Variants in JPH2 observed in about 807,000 individuals in gnomAD.
JPH2 encodes the protein junctophilin-2.
In JPH2, 38 loss-of-function variants were observed where a neutral mutation model predicts 55.9. That is an observed-to-expected ratio of 0.68 (90% confidence interval 0.52 to 0.89). JPH2 has a LOEUF of 0.89. Ranked by LOEUF, JPH2 falls within the 40% of genes least tolerant of loss-of-function variation. JPH2 has a pLI of 0.00. For synonymous variants in JPH2, 480 were observed against 472.4 expected (o/e 1.02, Z -0.21); for missense variants, 964 against 1,037.6 (o/e 0.93, Z 0.97).
Position 44,186,891 on chromosome 20 carries a change from G to T in JPH2, c.-186C>A. On this transcript the variant is annotated 5_prime_UTR_variant, in exon 1 of 6. Transcript: ENST00000372980. ...CCCGGCGCCAAGTCAGCACCGGGTC[G>T]GCTAGTCAGTGCCATGCCCGGGAGC... The T allele has an allele frequency of 1.6e-6, 1 of 632,870 alleles. No individual in the cohort carries two copies. Among genetic ancestry groups the T allele is most frequent in the Non-Finnish European group, 2.7e-6 (1 of 365,014 alleles). The allele number at this position is 632,870 out of a possible 1,614,324, so 39.2% of individuals were successfully genotyped here. A position where few individuals can be genotyped will look rare whatever the true frequency, so the allele number is the denominator to read the frequency against.
chr20:44,134,853 AATATATATATAAATATATATATTT>A (rs1569195635), intron 2 of JPH2, among the ~76,000 whole-genome samples: 5 of 83,846 alleles, frequency 6.0e-5, no homozygotes, highest in Middle Eastern at 5.9e-3. Flanking sequence ...GTTTATTATA[AATATATATATAAATATATATATTT>A]ATATATATAT....
rs916429871 is a variant in JPH2, at chr20:44,108,734, C to T, written c.*4784G>A. On this transcript the variant is annotated 3_prime_UTR_variant, in exon 6 of 6. Coordinates refer to ENST00000372980, the MANE Select transcript of JPH2 (RefSeq NM_020433.5). ...GGTGAATGTTCTGACACATGAGGTGCCCTGGCATCTGTTGCCGTACATGAG... is the reference window on the plus strand; with the variant it reads ...GGTGAATGTTCTGACACATGAGGTGTCCTGGCATCTGTTGCCGTACATGAG... 6.6e-6 allele frequency among the ~76,000 whole-genome samples: 1 copy of T among 152,042 alleles called. No individual in the cohort carries two copies. Among genetic ancestry groups the T allele is most frequent in the South Asian group, 2.1e-4 (1 of 4,820 alleles).
At chr20:44,144,410 A>G (rs1046827103) in intron 2 of JPH2, among the ~76,000 whole-genome samples, 2 of 152,096 alleles carry the variant, frequency 1.3e-5, no homozygotes, top group Non-Finnish European at 2.9e-5. Context: ...ATCGCCTCGT[A>G]TTGTCCTCAC....
chr20:44,109,393 T>C lies in JPH2; in HGVS notation c.*4125A>G, dbSNP rs531936813. Among the ~76,000 whole-genome samples, 4 of 152,346 alleles carry C rather than the reference T, an allele frequency of 2.6e-5. No homozygotes were observed. Among genetic ancestry groups the C allele is most frequent in the Admixed American group, 6.5e-5 (1 of 15,298 alleles). The stretch of plus-strand genomic sequence containing the variant: ...ATCTGAAGAGGCAGGTAACATGGTA[T>C]TCATCACCCCCAGAAAAGTAAGAAA... On this transcript the variant is annotated 3_prime_UTR_variant, in exon 6 of 6. Transcript: ENST00000372980.
chr20:44,140,006 G>C (rs1252243806), intron 2 of JPH2, among the ~76,000 whole-genome samples: 1 of 152,064 alleles, frequency 6.6e-6, no homozygotes, highest in Non-Finnish European at 1.5e-5. Context: ...CGAGTAGCTG[G>C]GACTACAGGC....
Position 44,186,881 on chromosome 20 carries a change from GCAC to G in JPH2, c.-179_-177del. 3.1e-6 allele frequency: 2 copies of G among 653,364 alleles called. No individual in the cohort carries two copies. Among genetic ancestry groups the G allele is most frequent in the South Asian group, 3.8e-5 (2 of 52,144 alleles). 40.5% of individuals were successfully genotyped at this position (653,364 alleles called of 1,614,324 possible). The stretch of plus-strand genomic sequence containing the variant: ...CTGAAAGAGCCCCGGCGCCAAGTCA[GCAC>G]CGGGTCGGCTAGTCAGTGCCATGCC... On this transcript the variant is annotated 5_prime_UTR_variant, in exon 1 of 6. Transcript: ENST00000372980.
At chr20:44,129,915 G>C (rs1384371482) in intron 2 of JPH2, among the ~76,000 whole-genome samples, 1 of 152,122 alleles carries the variant, frequency 6.6e-6, no homozygotes, top group Non-Finnish European at 1.5e-5. Context: ...AATGCAGAGG[G>C]CCAGCAGGGG....
chr20:44,136,449 T>TCATCAA (rs1318242579), intron 2 of JPH2, among the ~76,000 whole-genome samples: 1 of 151,738 alleles, frequency 6.6e-6, no homozygotes, highest in Non-Finnish European at 1.5e-5. Flanking sequence ...GCCATCATCA[T>TCATCAA]CATCAACATC....
chr20:44,167,588 G>A (rs1331334828), intron 1 of JPH2, among the ~76,000 whole-genome samples: 4 of 152,034 alleles, frequency 2.6e-5, no homozygotes, highest in Non-Finnish European at 4.4e-5. Context: ...GCAAAAATAC[G>A]GTCCTGTCCC....
intron 1 of JPH2, among the ~76,000 whole-genome samples, chr20:44,161,107 G>A (rs1189210727): frequency 6.6e-6 from 1 of 152,158 alleles, no homozygotes; most frequent in Non-Finnish European, 1.5e-5. Flanking sequence ...TCATGAGTGT[G>A]CAGGGTAGTG....
intron 2 of JPH2, among the ~76,000 whole-genome samples, chr20:44,136,002 T>A (rs1159124882): frequency 6.6e-6 from 1 of 152,304 alleles, no homozygotes; most frequent in East Asian, 1.9e-4. Context: ...ACTATCATTA[T>A]CACCCTCAGT....
intron 2 of JPH2, among the ~76,000 whole-genome samples, chr20:44,153,616 C>G (rs1247831538): frequency 6.6e-6 from 1 of 152,214 alleles, no homozygotes; most frequent in Non-Finnish European, 1.5e-5. Context: ...CCAAACCTCA[C>G]ACCCTAGGAC....
At chr20:44,129,552 C>G (rs1223342729) in intron 2 of JPH2, among the ~76,000 whole-genome samples, 1 of 45,246 alleles carries the variant, frequency 2.2e-5, no homozygotes, top group Non-Finnish European at 4.6e-5. Context: ...CAGGCTGTCT[C>G]AAAAAAAAAA....
rs183819643 is a variant in JPH2, at chr20:44,177,561, C to T, written c.379+8766G>A. On this transcript the variant is annotated intron_variant, in intron 1 of 5. Coordinates refer to ENST00000372980, the MANE Select transcript of JPH2 (RefSeq NM_020433.5). Reference sequence around the variant, plus strand: ...TCTCCTGGGGTCTCCATAGAATGCCCAGAAGCTGCCAAGACAGCAGCTCAG... The same window carrying T: ...TCTCCTGGGGTCTCCATAGAATGCCTAGAAGCTGCCAAGACAGCAGCTCAG... 2.3e-5 allele frequency: 27 copies of T among 1,148,936 alleles called. No homozygotes were observed. The African/African-American group carries it at 4.4e-4, about 19-fold the overall frequency. The allele number at this position is 1,148,936 out of a possible 1,614,324, so 71.2% of individuals were successfully genotyped here.
intron 1 of JPH2, among the ~76,000 whole-genome samples, chr20:44,169,846 TAAG>T (rs1421670155): frequency 6.6e-6 from 1 of 152,098 alleles, no homozygotes; most frequent in South Asian, 2.1e-4. Context: ...GGTGGCTTTA[TAAG>T]AAGAGGAAGA....
rs1245459741 is a variant in JPH2 at position 44,114,812 on chromosome 20, A to T, written c.2075T>A (p.Val692Asp). 1 of 1,606,346 alleles carries T rather than the reference A, an allele frequency of 6.2e-7. No individual in the cohort carries two copies. The highest frequency in any genetic ancestry group is 8.5e-7 in the Non-Finnish European group (1 of 1,177,118). ...AAGCGACGGTCAGGTCAGGAGGTGAACAAAGAGGATGGCCAGGCCGATGTT... is the reference window on the plus strand; with the variant it reads ...AAGCGACGGTCAGGTCAGGAGGTGATCAAAGAGGATGGCCAGGCCGATGTT... ...LLNIGLAILF[V>D]HLLT The change falls in exon 5 of 6, where the codon GTT (valine) becomes GAT (aspartate). Residue 692 changes from valine to aspartate, a missense_variant. Transcript: ENST00000372980.
chr20:44,132,344 G>C (rs948585461), intron 2 of JPH2, among the ~76,000 whole-genome samples: 1 of 72,910 alleles, frequency 1.4e-5, no homozygotes, highest in African/African-American at 5.6e-5. Context: ...TGGAAGGGAG[G>C]CAGACAGACA....
intron 1 of JPH2, among the ~76,000 whole-genome samples, chr20:44,163,368 T>C (rs1307482987): frequency 6.6e-6 from 1 of 152,224 alleles, no homozygotes; most frequent in East Asian, 1.9e-4. Context: ...TCTGAGATGC[T>C]GAGCTTCTAG....
intron 2 of JPH2, among the ~76,000 whole-genome samples, chr20:44,134,903 T>A (rs190408087): frequency 0.029 from 1,275 of 43,400 alleles, 41 homozygotes; most frequent in African/African-American, 0.094. Context: ...TATATTTATA[T>A]ATATATATAA....
Sources: allele counts gnomAD v4.1 joint callset (sites outside exome capture counted in the v4.1 genomes callset), GRCh38; gene constraint gnomAD v4.1.1; transcripts MANE v1.5; gene names NCBI Gene and HGNC (gene_info 2026-07-23, HGNC 2026-07-21).